The following TMCO4 variants were observed in gnomAD, a reference collection of about 807,000 sequenced individuals.
The protein encoded by TMCO4 is transmembrane and coiled-coil domain-containing protein 4.
Under a neutral mutation model 64.7 loss-of-function variants are expected in TMCO4, and 58 were observed. The ratio of observed to expected loss-of-function variants is 0.90; its 90% CI spans 0.73 to 1.12. The LOEUF (loss-of-function observed/expected upper bound fraction) is 1.12, where lower values mean the gene tolerates loss of function less well. Ranked by LOEUF, TMCO4 falls within the 50% of genes most tolerant of loss-of-function variation. The probability of loss-of-function intolerance (pLI) is 0.00; values close to 1 mark genes in which losing one functional copy is unlikely to be tolerated. For missense variants in TMCO4, 780 were observed against 825.9 expected (o/e 0.94, Z 0.68); for synonymous variants, 325 against 346.1 (o/e 0.94, Z 0.68).
chr1:19,793,525 A>T (rs2044155397), intron 2 of TMCO4, among the ~76,000 whole-genome samples: 1 of 152,154 alleles, frequency 6.6e-6, no homozygotes, highest in Admixed American at 6.5e-5. Flanking sequence ...TAGAAGAGAC[A>T]CCCATTGATT....
rs2041735307 is a variant in TMCO4 at position 19,745,561 on chromosome 1, A to G, written c.848T>C (p.Val283Ala). The G allele has an allele frequency of 2.5e-6, 4 of 1,613,950 alleles. No individual in the cohort carries two copies. The South Asian group carries it at 4.4e-5, about 18-fold the overall frequency. ...EGRQLHITIA[V>A]TGWLASGKYR... ...TTTGCCAGAAGCGAGCCACCCCGTG[A>G]CGGCGATGGTGATGTGCAGCTGCCT... The change falls in exon 10 of 16, where the codon GTC becomes GCC. Residue 283 changes from valine (V) to alanine (A), a missense_variant. By Grantham distance (64) the Val-to-Ala change is moderately conservative. Transcript: ENST00000294543.
intron 12 of TMCO4, chr1:19,738,101 A>G (rs1227003609): frequency 2.0e-5 from 3 of 152,280 alleles, no homozygotes; most frequent in Non-Finnish European, 2.9e-5. Context: ...ACAAGCTTAC[A>G]TGGAAGGAGA....
At chr1:19,689,526 CTG>C (rs2095175783) in intron 15 of TMCO4, among the ~76,000 whole-genome samples, 1 of 152,192 alleles carries the variant, frequency 6.6e-6, no homozygotes, top group Non-Finnish European at 1.5e-5. Flanking sequence ...GATGAGGACA[CTG>C]AGACACAGAG....
At position 19,780,625 on chromosome 1, in the gene TMCO4, A is replaced by G; in HGVS notation, c.134T>C (p.Leu45Pro). Residue 45 changes from leucine (L) to proline (P), a missense_variant, in exon 4 of 16, where the codon CTC (leucine) becomes CCC (proline). Coordinates refer to ENST00000294543, the MANE Select transcript of TMCO4 (RefSeq NM_181719.7). ...TEANRFAYAALCGISLSQLFP... is the reference protein window; with the variant it reads ...TEANRFAYAAPCGISLSQLFP... ...TAACTGGGACAGGGAGATGCCACAG[A>G]GGGCAGCATAGGCGAAGCGGTTGGC... is the stretch of plus-strand genomic sequence containing the variant. 1 of 1,613,090 alleles carries G rather than the reference A, an allele frequency of 6.2e-7. No individual in the cohort carries two copies. Among genetic ancestry groups the G allele is most frequent in the Non-Finnish European group, 8.5e-7 (1 of 1,179,554 alleles).
At chr1:19,779,562 AT>A (rs1327162420) in intron 4 of TMCO4, among the ~76,000 whole-genome samples, 3 of 152,242 alleles carry the variant, frequency 2.0e-5, no homozygotes, top group African/African-American at 7.2e-5. Flanking sequence ...TAGAGATGAA[AT>A]ATAACGATGT....
At chr1:19,737,489 G>T in intron 12 of TMCO4, 33 bp from the exon 13 acceptor site, 1 of 1,604,320 alleles carries the variant, frequency 6.2e-7, no homozygotes, top group Non-Finnish European at 8.5e-7. Context: ...TGTCTGGAAG[G>T]AATACTGCCA....
intron 14 of TMCO4, among the ~76,000 whole-genome samples, chr1:19,695,510 A>C (rs142022891): frequency 6.6e-6 from 1 of 152,308 alleles, no homozygotes; most frequent in Admixed American, 6.5e-5. Context: ...GACTAAATAC[A>C]TGGTGTTATT....
In TMCO4 at chr1:19,682,797, T is replaced by C. The variant is rs990309447; in HGVS notation, c.*243A>G. Reference sequence around the variant, plus strand: ...CTTGGTTGACTCTGCAGGTCTCTGATGAGGGGGCAGCTGCTCCCTGGTGGG... The same window carrying C: ...CTTGGTTGACTCTGCAGGTCTCTGACGAGGGGGCAGCTGCTCCCTGGTGGG... On this transcript the variant is annotated 3_prime_UTR_variant, in exon 16 of 16. Coordinates refer to ENST00000294543, the MANE Select transcript of TMCO4 (RefSeq NM_181719.7). 5.6e-6 allele frequency: 4 copies of C among 718,446 alleles called. No homozygotes were observed. Among genetic ancestry groups the C allele is most frequent in the African/African-American group, 3.5e-5 (2 of 57,304 alleles). 44.5% of individuals were successfully genotyped at this position (718,446 alleles called of 1,614,324 possible). A position where few individuals can be genotyped will look rare whatever the true frequency, so the allele number is the denominator to read the frequency against.
intron 4 of TMCO4, among the ~76,000 whole-genome samples, chr1:19,777,906 A>C (rs2043283282): frequency 6.6e-6 from 1 of 152,160 alleles, no homozygotes; most frequent in Admixed American, 6.5e-5. Context: ...GCATGGTGGC[A>C]TGCATCTGTA....
intron 13 of TMCO4, 57 bp downstream of exon 13, chr1:19,737,315 T>A (rs987201497): frequency 1.7e-5 from 26 of 1,548,744 alleles, no homozygotes; most frequent in Admixed American, 5.1e-5. Context: ...CCAGAACATC[T>A]GTCCCTGGGA....
intron 4 of TMCO4, among the ~76,000 whole-genome samples, chr1:19,775,940 G>C (rs1470824289): frequency 6.6e-6 from 1 of 152,164 alleles, no homozygotes; most frequent in African/African-American, 2.4e-5. Context: ...TTTTGAGATG[G>C]AGTATCGCTC....
intron 14 of TMCO4, among the ~76,000 whole-genome samples, chr1:19,696,659 A>T (rs2095239405): frequency 6.6e-6 from 1 of 152,190 alleles, no homozygotes; most frequent in African/African-American, 2.4e-5. Context: ...TATTTATAAG[A>T]ATCCAGTGCA....
chr1:19,794,867 T>C (rs2044227647), intron 2 of TMCO4, among the ~76,000 whole-genome samples: 3 of 152,236 alleles, frequency 2.0e-5, no homozygotes, highest in Admixed American at 6.5e-5. Context: ...CCTTGAAAAG[T>C]TGTGAAATAA....
rs977063100 is a variant in TMCO4, at chr1:19,745,093, T to C, written c.877+439A>G. Among the ~76,000 whole-genome samples, 8 of 150,604 alleles carry C rather than the reference T, an allele frequency of 5.3e-5. No homozygotes were observed. In the East Asian group the frequency reaches 1.6e-3, roughly 30 times the overall value. ...ATAGGTAGAAGGGTGGATGGATGAA[T>C]GGATGGGTGGGTGCATGGATAGATA... is the stretch of plus-strand genomic sequence containing the variant. On this transcript the variant is annotated intron_variant, in intron 10 of 15. Transcript: ENST00000294543.
At chr1:19,708,150 T>C (rs1474806422) in intron 13 of TMCO4, among the ~76,000 whole-genome samples, 2 of 152,086 alleles carry the variant, frequency 1.3e-5, no homozygotes, top group African/African-American at 4.8e-5. Flanking sequence ...GAGGCTATTG[T>C]AGGGAAGCCT....
chr1:19,794,061 T>C (rs2044186629), intron 2 of TMCO4, among the ~76,000 whole-genome samples: 1 of 151,478 alleles, frequency 6.6e-6, no homozygotes, highest in Non-Finnish European at 1.5e-5. Context: ...CCCTGCCGCC[T>C]CTCCCATGCT....
chr1:19,751,277 A>C (rs937572930), intron 7 of TMCO4, among the ~76,000 whole-genome samples: 1 of 152,184 alleles, frequency 6.6e-6, no homozygotes, highest in African/African-American at 2.4e-5. Context: ...AAAACCAGAG[A>C]GGTACAGGAT....
chr1:19,733,473 T>C (rs748744057), intron 13 of TMCO4, among the ~76,000 whole-genome samples: 46 of 152,138 alleles, frequency 3.0e-4, no homozygotes, highest in Non-Finnish European at 5.7e-4. Flanking sequence ...GCACCTAGTA[T>C]GTGCCAGGCA....
Position 19,747,159 on chromosome 1 carries a change from T to G in TMCO4, c.613+4A>C. 2 of 1,613,700 alleles carry G rather than the reference T, an allele frequency of 1.2e-6. No homozygotes were observed. Among genetic ancestry groups the G allele is most frequent in the Non-Finnish European group, 1.7e-6 (2 of 1,179,692 alleles). ...CGTGTGCCACCATCTCTAGCTGGAC[T>G]CACCGATCACCGTTCCGCCTCCGAC... On this transcript the variant is annotated splice_donor_region_variant and intron_variant, in intron 8 of 15. Transcript: ENST00000294543.
Sources: gnomAD v4.1 joint callset for allele counts (sites outside exome capture counted in the v4.1 genomes callset) on GRCh38, gnomAD v4.1.1 for gene constraint, MANE v1.5 for transcripts, NCBI Gene and HGNC (gene_info 2026-07-23, HGNC 2026-07-21) for gene names.